FAT1: variants seen among roughly 807,000 people sequenced by gnomAD.
FAT1 encodes the protein protocadherin Fat 1.
FAT1 carries 171 observed loss-of-function variants against 329.8 expected under a neutral mutation model. That is an observed-to-expected ratio of 0.52 (90% CI 0.46 to 0.59). FAT1 has a LOEUF of 0.59. FAT1 is among the 20% of genes least tolerant of loss of function. The pLI is 0.00. For missense variants in FAT1, 5,672 were observed against 5,774.4 expected (o/e 0.98, Z 0.57); for synonymous variants, 2,233 against 2,228.6 (o/e 1.00, Z -0.06).
At chr4:186,703,130 C>A (rs1266211510) in intron 2 of FAT1, among the ~76,000 whole-genome samples, 1 of 152,156 alleles carries the variant, frequency 6.6e-6, no homozygotes, top group Admixed American at 6.5e-5. Context: ...CATCCAGAGG[C>A]CTCTCCAGGA....
At chr4:186,680,552 G>A (rs953059200) in intron 2 of FAT1, among the ~76,000 whole-genome samples, 1 of 152,120 alleles carries the variant, frequency 6.6e-6, no homozygotes, top group Admixed American at 6.5e-5. Context: ...GTGGGCAGCC[G>A]ACCTCTTACA....
rs755544666 is a variant in FAT1, at chr4:186,606,188, T to C, written c.10232A>G (p.Gln3411Arg). 1 of 1,613,074 alleles carries C rather than the reference T, an allele frequency of 6.2e-7. No individual in the cohort carries two copies. The highest frequency in any genetic ancestry group is 8.5e-7 in the Non-Finnish European group (1 of 1,179,724). ...GGGTGGACTGCCATTATCAGAAGCTTGAACCGTGAGCGTGTAACCTGAAAT... is the reference window on the plus strand; with the variant it reads ...GGGTGGACTGCCATTATCAGAAGCTCGAACCGTGAGCGTGTAACCTGAAAT... Reference protein sequence around the residue: ...ETISGYTLTVQASDNGSPPRV... With the variant: ...ETISGYTLTVRASDNGSPPRV... Residue 3411 changes from glutamine (Q) to arginine (R), a missense_variant, in exon 17 of 27, where the codon CAA becomes CGA. Physicochemically the swap from Gln to Arg is conservative, Grantham distance 43. Coordinates refer to ENST00000441802, the MANE Select transcript of FAT1 (RefSeq NM_005245.4).
At chr4:186,682,765 G>C (rs901135570) in intron 2 of FAT1, among the ~76,000 whole-genome samples, 1 of 152,220 alleles carries the variant, frequency 6.6e-6, no homozygotes, top group Non-Finnish European at 1.5e-5. Context: ...CGGCAGATCA[G>C]AGGAGGATTT....
rs2126386884 is a variant in FAT1, at chr4:186,596,596, T to A, written c.12944A>T (p.Asn4315Ile). ...APNLPPPPPSNSPSDSDSIQK... is the reference protein window; with the variant it reads ...APNLPPPPPSISPSDSDSIQK... ...GATGGAGTCGCTGTCAGAAGGGGAG[T>A]TTGAAGGGGGTGGGGGAGGCAGGTT... The change falls in exon 25 of 27, where the codon AAC becomes ATC. Residue 4315 changes from asparagine (N) to isoleucine (I), a missense_variant. By Grantham distance (149) the Asn-to-Ile change is moderately radical. Transcript: ENST00000441802. The surrounding 1 kb of genome is among the most constrained non-coding windows in gnomAD (Gnocchi z 4.7). 6.2e-7 allele frequency: 1 copy of A among 1,611,562 alleles called. No individual in the cohort carries two copies. Among genetic ancestry groups the A allele is most frequent in the Non-Finnish European group, 8.5e-7 (1 of 1,179,064 alleles).
In FAT1 at chr4:186,706,792, C is replaced by T. The variant is rs761866451; in HGVS notation, c.3036G>A (p.Leu1012=). 5 of 1,613,910 alleles carry T rather than the reference C, an allele frequency of 3.1e-6. No homozygotes were observed. In the South Asian group the frequency reaches 4.4e-5, roughly 14 times the overall value. Reference sequence around the variant, plus strand: ...CAACTTCAACATAGCAAGTAGAAGACAGAGAAACTGGCTTTCCCTTGTCTT... The same window carrying T: ...CAACTTCAACATAGCAAGTAGAAGATAGAGAAACTGGCTTTCCCTTGTCTT... ...RAKDKGKPVS[L]SSTCYVEVEV... Residue 1012 remains leucine (L), a synonymous_variant, in exon 2 of 27, where the codon CTG becomes CTA. Transcript: ENST00000441802.
intron 2 of FAT1, among the ~76,000 whole-genome samples, chr4:186,687,661 G>C (rs79411400): frequency 1.4e-3 from 211 of 152,226 alleles, no homozygotes; most frequent in African/African-American, 4.2e-3. Context: ...GGTATAATGC[G>C]TATATCTCAA....
At chr4:186,640,332 T>C (rs1433529505) in intron 3 of FAT1, among the ~76,000 whole-genome samples, 2 of 152,202 alleles carry the variant, frequency 1.3e-5, no homozygotes, top group Non-Finnish European at 2.9e-5. Context: ...GTGGAAAAAC[T>C]CAAATCAGTT....
rs2126459064 is a variant in FAT1, at chr4:186,609,829, T to C, written c.10040A>G (p.Asp3347Gly). 6.2e-7 allele frequency: 1 copy of C among 1,613,518 alleles called. No homozygotes were observed. ...QDTYTTVISE[D>G]AVLEQSVITV... ...GATGACAGACTGCTCAAGAACGGCA[T>C]CTTCACTGATGACTGTCGTGTAGGT... Residue 3347 changes from aspartate to glycine, a missense_variant, in exon 15 of 27, where the codon GAT becomes GGT. Coordinates refer to ENST00000441802, the MANE Select transcript of FAT1 (RefSeq NM_005245.4).
Position 186,596,803 on chromosome 4 carries a change from G to T in FAT1, c.12737C>A (p.Pro4246Gln). Residue 4246 changes from proline to glutamine, a missense_variant, in exon 25 of 27, where the codon CCA (proline) becomes CAA (glutamine). Physicochemically the swap from Pro to Gln is moderately conservative, Grantham distance 76. Transcript: ENST00000441802. The surrounding 1 kb of genome is among the most constrained non-coding windows in gnomAD (Gnocchi z 4.7). ...AATAGGCCGGACAGGCACCTGGGGT[G>T]GTATGTCTGAGTAAATGTTCTTATT... Reference protein sequence around the residue: ...KLNKNIYSDIPPQVPVRPISY... With the variant: ...KLNKNIYSDIQPQVPVRPISY... 1 of 1,613,946 alleles carries T rather than the reference G, an allele frequency of 6.2e-7. No individual in the cohort carries two copies. Among genetic ancestry groups the T allele is most frequent in the Non-Finnish European group, 8.5e-7 (1 of 1,179,864 alleles).
intron 3 of FAT1, among the ~76,000 whole-genome samples, chr4:186,656,701 C>T (rs935905789): frequency 3.3e-5 from 5 of 152,072 alleles, no homozygotes; most frequent in African/African-American, 1.2e-4. Context: ...TTGGGAGGGA[C>T]AAAAAGTGCA....
At position 186,709,863 on chromosome 4, in the gene FAT1, A is replaced by G. The variant is rs751627286; in HGVS notation, c.-18-18T>C. On this transcript the variant is annotated intron_variant, in intron 1 of 26. Transcript: ENST00000441802. The stretch of plus-strand genomic sequence containing the variant: ...TCGGGAATCTGAAACAGAAGAAATC[A>G]GAATCGTTACCTTGGGGAAATAAAA... 6.4e-7 allele frequency: 1 copy of G among 1,553,458 alleles called. No homozygotes were observed. The highest frequency in any genetic ancestry group is 8.7e-7 in the Non-Finnish European group (1 of 1,146,068).
At chr4:186,643,060 TAC>T (rs1741175754) in intron 3 of FAT1, among the ~76,000 whole-genome samples, 1 of 152,132 alleles carries the variant, frequency 6.6e-6, no homozygotes, top group Non-Finnish European at 1.5e-5. Flanking sequence ...CACTAACAAA[TAC>T]AGTCACCACT....
chr4:186,607,965 G>C (rs1371890974), intron 16 of FAT1, among the ~76,000 whole-genome samples: 1 of 152,100 alleles, frequency 6.6e-6, no homozygotes, highest in Non-Finnish European at 1.5e-5. Flanking sequence ...TCCAAATACT[G>C]GCTGAGTAAT....
At chr4:186,690,995 T>C (rs1246995252) in intron 2 of FAT1, among the ~76,000 whole-genome samples, 2 of 152,212 alleles carry the variant, frequency 1.3e-5, no homozygotes, top group Non-Finnish European at 2.9e-5. Context: ...CTAAAATATA[T>C]AAAATTACAA....
chr4:186,664,514 G>A (rs889960490), intron 2 of FAT1, among the ~76,000 whole-genome samples: 1 of 152,168 alleles, frequency 6.6e-6, no homozygotes, highest in African/African-American at 2.4e-5. Context: ...ACATTTCTTA[G>A]TAAGTCAACT....
chr4:186,703,216 C>A (rs972061945), intron 2 of FAT1, among the ~76,000 whole-genome samples: 1 of 152,196 alleles, frequency 6.6e-6, no homozygotes, highest in Admixed American at 6.5e-5. Flanking sequence ...TCTCTCGCTG[C>A]AAAGCCATTT....
intron 2 of FAT1, among the ~76,000 whole-genome samples, chr4:186,674,035 T>C (rs1287087652): frequency 6.6e-6 from 1 of 152,234 alleles, no homozygotes; most frequent in Non-Finnish European, 1.5e-5. Flanking sequence ...TACCTACCAA[T>C]GGCAATGCTT....
chr4:186,650,924 CAGAG>C (rs1186824656), intron 3 of FAT1, among the ~76,000 whole-genome samples: 1 of 152,004 alleles, frequency 6.6e-6, no homozygotes, highest in Non-Finnish European at 1.5e-5. Context: ...GCATGGAAAA[CAGAG>C]AGGGCAACAC....
At position 186,603,727 on chromosome 4, in the gene FAT1, A is replaced by G; in HGVS notation, c.10799T>C (p.Ile3600Thr). The part of the protein sequence containing the change: ...FSVSSTGGKL[I>T]AHKKLDIGQY... ...CCCTATGTCTAGCTTTTTGTGTGCT[A>G]TCAGCTTGCCCCCTGTGCTGGAAAC... Residue 3600 changes from isoleucine (I) to threonine (T), a missense_variant, in exon 19 of 27, where the codon ATA (isoleucine) becomes ACA (threonine). Ile to Thr is a moderately conservative substitution (Grantham distance 89). Coordinates refer to ENST00000441802, the MANE Select transcript of FAT1 (RefSeq NM_005245.4). The G allele has an allele frequency of 6.2e-7, 1 of 1,613,960 alleles. No individual in the cohort carries two copies. The highest frequency in any genetic ancestry group is 8.5e-7 in the Non-Finnish European group (1 of 1,179,884).
Sources: allele counts gnomAD v4.1 joint callset (sites outside exome capture counted in the v4.1 genomes callset), GRCh38; gene constraint gnomAD v4.1.1; non-coding constraint Gnocchi (gnomAD v3.1); transcripts MANE v1.5; gene names NCBI Gene and HGNC (gene_info 2026-07-23, HGNC 2026-07-21).